Variants in ANAPC1 observed in about 807,000 individuals in gnomAD.
ANAPC1 encodes anaphase promoting complex subunit 1.
In ANAPC1, 36 loss-of-function variants were observed where a neutral mutation model predicts 208.0. The observed-to-expected ratio is 0.17, with a 90% CI of 0.13 to 0.23. ANAPC1 has a LOEUF of 0.23. Ranked by LOEUF, ANAPC1 falls within the 10% of genes least tolerant of loss-of-function variation. ANAPC1 has a pLI of 1.00. For synonymous variants in ANAPC1, 378 were observed against 695.2 expected (o/e 0.54, Z 7.18); for missense variants, 942 against 2,011.6 (o/e 0.47, Z 10.17).
chr2:111,869,658 T>C (rs1682633805), intron 6 of ANAPC1, among the ~76,000 whole-genome samples: 1 of 152,218 alleles, frequency 6.6e-6, no homozygotes, highest in African/African-American at 2.4e-5. Context: ...ACAGGCTGAG[T>C]ATCCCTTATC....
chr2:111,778,074 A>G (rs1261171324), intron 45 of ANAPC1, among the ~76,000 whole-genome samples: 2 of 152,294 alleles, frequency 1.3e-5, no homozygotes, highest in African/African-American at 4.8e-5. Context: ...GAAAGATATG[A>G]TAATACTGAA....
At chr2:111,822,967 C>T (rs1385805997) in intron 24 of ANAPC1, among the ~76,000 whole-genome samples, 4 of 146,028 alleles carry the variant, frequency 2.7e-5, no homozygotes, top group Admixed American at 1.4e-4. Context: ...TAAATGTTGG[C>T]AACTATGTAG....
chr2:111,869,486 C>A (rs1164061517), intron 6 of ANAPC1, among the ~76,000 whole-genome samples: 1 of 152,186 alleles, frequency 6.6e-6, no homozygotes, highest in African/African-American at 2.4e-5. Context: ...CTCAGGTGAT[C>A]CACTCGCCTC....
intron 19 of ANAPC1, among the ~76,000 whole-genome samples, chr2:111,833,681 T>TAAAAAAAAAA (rs372311361): frequency 2.3e-4 from 20 of 85,992 alleles, no homozygotes; most frequent in African/African-American, 8.6e-4. Flanking sequence ...ATAAAATATG[T>TAAAAAAAAAA]AAAAAAAAAA....
chr2:111,768,555 A>G lies in ANAPC1; in HGVS notation c.*736T>C, dbSNP rs1676552093. On this transcript the variant is annotated 3_prime_UTR_variant, in exon 48 of 48. Transcript: ENST00000341068. The stretch of plus-strand genomic sequence containing the variant: ...ACGGCCGACTCCTCACTGTCTTCAC[A>G]TGGCAGAGAGAGAAAGAAAAATCTC... The G allele has an allele frequency of 6.7e-6, 1 of 150,136 alleles. No individual in the cohort carries two copies. Among genetic ancestry groups the G allele is most frequent in the East Asian group, 1.9e-4 (1 of 5,146 alleles). 9.3% of individuals were successfully genotyped at this position (150,136 alleles called of 1,614,324 possible).
At chr2:111,828,838 T>A (rs920549104) in intron 21 of ANAPC1, among the ~76,000 whole-genome samples, 9 of 152,254 alleles carry the variant, frequency 5.9e-5, no homozygotes, top group African/African-American at 1.9e-4. Flanking sequence ...ATGTTGGGGA[T>A]GATGAAAAAG....
chr2:111,863,815 A>T lies in ANAPC1; in HGVS notation c.912T>A (p.His304Gln), dbSNP rs762746379. The T allele has an allele frequency of 3.7e-6, 6 of 1,613,742 alleles. No individual in the cohort carries two copies. The African/African-American group carries it at 6.7e-5, about 18-fold the overall frequency. Reference sequence around the variant, plus strand: ...AATCTCCTTTGGAGAGGCTTCTGAGATGTGCTGTGAGGGAGCTGCTAGTGG... The same window carrying T: ...AATCTCCTTTGGAGAGGCTTCTGAGTTGTGCTGTGAGGGAGCTGCTAGTGG... ...NVATSSSLTA[H>Q]LRSLSKGDSP... The change falls in exon 9 of 48, where the codon CAT becomes CAA. Residue 304 changes from histidine (H) to glutamine (Q), a missense_variant. Transcript: ENST00000341068.
chr2:111,840,615 G>A (rs1055231015), intron 17 of ANAPC1, among the ~76,000 whole-genome samples: 3 of 152,172 alleles, frequency 2.0e-5, no homozygotes, highest in African/African-American at 7.2e-5. Flanking sequence ...CAAGGACAAT[G>A]ATACACAAAA....
In ANAPC1 at chr2:111,863,670, T is replaced by C. The variant is rs1682218595; in HGVS notation, c.1052+5A>G. 6.2e-7 allele frequency: 1 copy of C among 1,612,484 alleles called. No homozygotes were observed. The highest frequency in any genetic ancestry group is 1.1e-5 in the South Asian group (1 of 91,000). On this transcript the variant is annotated splice_donor_5th_base_variant and intron_variant, in intron 9 of 47. Transcript: ENST00000341068. ...TTAGAAAGAAAAACCAGGAAACCCTTATACCTTAGAGCTGCCATGTTGGAA... is the reference window on the plus strand; with the variant it reads ...TTAGAAAGAAAAACCAGGAAACCCTCATACCTTAGAGCTGCCATGTTGGAA...
intron 16 of ANAPC1, among the ~76,000 whole-genome samples, chr2:111,846,871 G>A (rs889713538): frequency 1.3e-5 from 2 of 151,746 alleles, no homozygotes; most frequent in Non-Finnish European, 2.9e-5. Flanking sequence ...TGCCCAGCAG[G>A]CATGTCCATA....
chr2:111,779,678 A>C (rs1393171862), intron 44 of ANAPC1: 2 of 153,924 alleles, frequency 1.3e-5, no homozygotes, highest in African/African-American at 4.8e-5. Flanking sequence ...CGCTACAAAA[A>C]ATTTTTTTAA....
At chr2:111,769,852 T>A (rs922960239) in intron 47 of ANAPC1, among the ~76,000 whole-genome samples, 1 of 150,048 alleles carries the variant, frequency 6.7e-6, no homozygotes, top group African/African-American at 2.4e-5. Context: ...AGCTAATTTT[T>A]TTTGTATTTT....
chr2:111,774,027 A>G (rs1430897696), intron 46 of ANAPC1, among the ~76,000 whole-genome samples: 2 of 151,912 alleles, frequency 1.3e-5, no homozygotes, highest in South Asian at 2.1e-4. Context: ...TTAGGAGGCT[A>G]TAACAGTGGT....
intron 39 of ANAPC1, among the ~76,000 whole-genome samples, chr2:111,787,237 G>C (rs1168270444): frequency 1.4e-5 from 2 of 146,794 alleles, no homozygotes; most frequent in African/African-American, 5.2e-5. Flanking sequence ...AGCAGTACGT[G>C]AGTGTGGCTC....
chr2:111,838,732 G>A (rs1680607524), intron 17 of ANAPC1, among the ~76,000 whole-genome samples: 1 of 152,168 alleles, frequency 6.6e-6, no homozygotes. Flanking sequence ...ATCTAGAACA[G>A]TGCCTGGGCT....
intron 11 of ANAPC1, 78 bp downstream of exon 11, chr2:111,858,228 A>T (rs1226022631): frequency 1.7e-6 from 2 of 1,163,582 alleles, no homozygotes; most frequent in Non-Finnish European, 2.4e-6. Context: ...TTAAGCCAAA[A>T]AAAAAAGGAA....
chr2:111,825,681 C>G, intron 22 of ANAPC1, 96 bp downstream of exon 22: 1 of 1,267,364 alleles, frequency 7.9e-7, no homozygotes, highest in Middle Eastern at 1.9e-4. Flanking sequence ...TAAGACATGG[C>G]CGCCAAAGCA....
At chr2:111,841,636 A>G (rs1680769763) in intron 17 of ANAPC1, among the ~76,000 whole-genome samples, 1 of 152,148 alleles carries the variant, frequency 6.6e-6, no homozygotes, top group Non-Finnish European at 1.5e-5. Context: ...AGCAAGGGCT[A>G]GGTCACATGG....
chr2:111,882,202 A>C (rs903991613), intron 1 of ANAPC1, among the ~76,000 whole-genome samples: 1 of 144,434 alleles, frequency 6.9e-6, no homozygotes, highest in Non-Finnish European at 1.5e-5. Flanking sequence ...AACCAAAAGC[A>C]AAAAAAAAAC....
Sources: allele counts gnomAD v4.1 joint callset (sites outside exome capture counted in the v4.1 genomes callset), GRCh38; gene constraint gnomAD v4.1.1; transcripts MANE v1.5; gene names NCBI Gene and HGNC (gene_info 2026-07-23, HGNC 2026-07-21).